WNK2: variants seen among roughly 807,000 people sequenced by gnomAD.
WNK2 encodes serine/threonine-protein kinase WNK2.
Under a neutral mutation model 192.1 loss-of-function variants are expected in WNK2, and 67 were observed. That is an observed-to-expected ratio of 0.35 (90% CI 0.29 to 0.43). The LOEUF (loss-of-function observed/expected upper bound fraction) is 0.43. Among genes scored for constraint, WNK2 ranks in the 20% least tolerant of loss-of-function variants. The pLI is 1.00. For synonymous variants in WNK2, 1,439 were observed against 1,393.9 expected, an observed-to-expected ratio of 1.03 and a Z score of -0.72; for missense variants, 2,698 against 3,089.7, an observed-to-expected ratio of 0.87 and a Z score of 3.01.
At chr9:93,231,406 T>C (rs1299517439) in intron 4 of WNK2, among the ~76,000 whole-genome samples, 2 of 152,332 alleles carry the variant, frequency 1.3e-5, no homozygotes, top group East Asian at 3.9e-4. Flanking sequence ...ATGGTCTTTG[T>C]GTTTCCCTCC....
chr9:93,206,291 TGGGTACAGGGAGTTGCCAAGGGTC>T (rs2131375820), intron 2 of WNK2, among the ~76,000 whole-genome samples: 1 of 152,104 alleles, frequency 6.6e-6, no homozygotes, highest in Admixed American at 6.5e-5. Context: ...CAGGCTGAGG[TGGGTACAGGGAGTTGCCAAGGGTC>T]GCCTGCAGTG....
In WNK2 at chr9:93,292,582, G is replaced by T. The variant is rs1369976830; in HGVS notation, c.5117G>T (p.Ser1706Ile). Residue 1706 changes from serine (S) to isoleucine (I), a missense_variant, in exon 23 of 30, where the codon AGT becomes ATT. This residue lies in a region of WNK2 where 1,098 missense variants were observed against 1,101.0 expected (regional missense o/e 1.00). Coordinates refer to ENST00000427277, the MANE Select transcript of WNK2 (RefSeq NM_006648.4). Reference sequence around the variant, plus strand: ...GAAAGCTCGGCAGAGCCCCCGCCGAGTGACATGGGCACAGTGGGGGGCCAG... The same window carrying T: ...GAAAGCTCGGCAGAGCCCCCGCCGATTGACATGGGCACAGTGGGGGGCCAG... ...AGESSAEPPP[S>I]DMGTVGGQAS... 6.3e-7 allele frequency: 1 copy of T among 1,575,464 alleles called. No individual in the cohort carries two copies. Among genetic ancestry groups the T allele is most frequent in the East Asian group, 2.3e-5 (1 of 44,152 alleles).
At position 93,288,878 on chromosome 9, in the gene WNK2, A is replaced by G. The variant is rs773350361; in HGVS notation, c.4124A>G (p.Asn1375Ser). 1.2e-6 allele frequency: 2 copies of G among 1,610,738 alleles called. No homozygotes were observed. Among genetic ancestry groups the G allele is most frequent in the Non-Finnish European group, 1.7e-6 (2 of 1,179,120 alleles). The change falls in exon 20 of 30, where the codon AAC (asparagine) becomes AGC (serine). Residue 1375 changes from asparagine (N) to serine (S), a missense_variant. Coordinates refer to ENST00000427277, the MANE Select transcript of WNK2 (RefSeq NM_006648.4). ...QQLLSQAGPS[N>S]PPGAPPAPLA... ...CTCCTGAGCCAGGCGGGCCCCAGCAACCCTCCTGGGGCACCCCCAGCCCCT... is the reference window on the plus strand; with the variant it reads ...CTCCTGAGCCAGGCGGGCCCCAGCAGCCCTCCTGGGGCACCCCCAGCCCCT...
At position 93,229,266 on chromosome 9, in the gene WNK2, G is replaced by A. The variant is rs934498900; in HGVS notation, c.682-430G>A. On this transcript the variant is annotated intron_variant, in intron 2 of 29. Coordinates refer to ENST00000427277, the MANE Select transcript of WNK2 (RefSeq NM_006648.4). This position sits in a 1 kb window ranked among gnomAD's most constrained non-coding sequence, Gnocchi z 4.9. The stretch of plus-strand genomic sequence containing the variant: ...GCTCTTATCTCAGTCACCTGTCCAC[G>A]TCTCCTCTGTTCTAATCCACTGGGC... 5.9e-5 allele frequency among the ~76,000 whole-genome samples: 9 copies of A among 152,204 alleles called. No individual in the cohort carries two copies. Among genetic ancestry groups the A allele is most frequent in the South Asian group, 4.1e-4 (2 of 4,824 alleles).
intron 2 of WNK2, among the ~76,000 whole-genome samples, chr9:93,193,405 G>A (rs1311132772): frequency 6.6e-6 from 1 of 152,272 alleles, no homozygotes; most frequent in African/African-American, 2.4e-5. Flanking sequence ...CTTTTCACCC[G>A]TCTTGCTCCC....
chr9:93,273,186 T>G (rs879052887), intron 19 of WNK2, among the ~76,000 whole-genome samples: 2 of 152,170 alleles, frequency 1.3e-5, no homozygotes, highest in African/African-American at 4.8e-5. Context: ...TGAGATGGAG[T>G]CTTGCTCTGT....
intron 8 of WNK2, among the ~76,000 whole-genome samples, chr9:93,251,336 C>T (rs1029621446): frequency 1.3e-5 from 2 of 151,226 alleles, no homozygotes; most frequent in African/African-American, 4.9e-5. Flanking sequence ...CCAGGCTGGT[C>T]TCAAACCCCT....
chr9:93,236,555 T>C (rs1324729834), intron 5 of WNK2, among the ~76,000 whole-genome samples: 1 of 152,244 alleles, frequency 6.6e-6, no homozygotes, highest in Non-Finnish European at 1.5e-5. Context: ...TACACCGTCT[T>C]ACTCCACTTC....
rs144024896 is a variant in WNK2, at chr9:93,287,365, A to C, written c.4034-1423A>C. On this transcript the variant is annotated intron_variant, in intron 19 of 29. Coordinates refer to ENST00000427277, the MANE Select transcript of WNK2 (RefSeq NM_006648.4). ...CCTGGCAGGACACGGGCCTGCACGC[A>C]CTGTGCCTCAGTGTTAGTCGTGGTC... 7.6e-4 allele frequency among the ~76,000 whole-genome samples: 116 copies of C among 152,284 alleles called. 2 individuals are homozygous for C. In the East Asian group the frequency reaches 0.017, roughly 23 times the overall value.
chr9:93,276,000 C>T (rs565983100), intron 19 of WNK2, among the ~76,000 whole-genome samples: 3 of 152,276 alleles, frequency 2.0e-5, no homozygotes, highest in Admixed American at 1.3e-4. Flanking sequence ...GATTGGAAGA[C>T]TCAACATAGT....
At chr9:93,192,311 C>T (rs1185804318) in intron 2 of WNK2, among the ~76,000 whole-genome samples, 4 of 146,884 alleles carry the variant, frequency 2.7e-5, no homozygotes, top group Non-Finnish European at 6.0e-5. Flanking sequence ...GACTCCGTCT[C>T]AAGAAAAAAA....
Position 93,263,922 on chromosome 9 carries a change from C to T in WNK2, c.3585C>T (p.Cys1195=), listed in dbSNP as rs1192390624. ...SRPRLTILNV[C]NTGDKMVECQ... ...GCTGATGCTGCCCCTTCCAGGTGTG[C>T]AACACTGGGGACAAGATGGTGGAGT... Residue 1195 remains cysteine (C), a synonymous_variant, in exon 16 of 30, where the codon TGC becomes TGT. Coordinates refer to ENST00000427277, the MANE Select transcript of WNK2 (RefSeq NM_006648.4). 6.2e-7 allele frequency: 1 copy of T among 1,612,132 alleles called. No individual in the cohort carries two copies. The highest frequency in any genetic ancestry group is 8.5e-7 in the Non-Finnish European group (1 of 1,179,384).
intron 5 of WNK2, 100 bp downstream of exon 5, chr9:93,235,065 G>T: frequency 7.0e-7 from 1 of 1,433,742 alleles, no homozygotes; most frequent in Non-Finnish European, 9.5e-7. Flanking sequence ...CATCCTGGCA[G>T]CTGTGTAAGG....
rs778459252 is a variant in WNK2 at position 93,317,570 on chromosome 9, C to A, written c.6567C>A (p.Pro2189=). Residue 2189 remains proline (P), a synonymous_variant, in exon 29 of 30, where the codon CCC becomes CCA. Coordinates refer to ENST00000427277, the MANE Select transcript of WNK2 (RefSeq NM_006648.4). ...GGATGCCACGTCTGCCCCCAGCGCC[C>A]GGCCCTCTGTCCACCACGGTCATTC... ...GVGMPRLPPA[P]GPLSTTVIPG... The A allele has an allele frequency of 6.2e-7, 1 of 1,613,392 alleles. No homozygotes were observed. Among genetic ancestry groups the A allele is most frequent in the Non-Finnish European group, 8.5e-7 (1 of 1,179,884 alleles).
Position 93,238,310 on chromosome 9 carries a change from CAAG to C in WNK2, c.1312_1314del (p.Lys438del), listed in dbSNP as rs747552164. On this transcript the variant is annotated inframe_deletion, in exon 6 of 30. Transcript: ENST00000427277. Reference sequence around the variant, plus strand: ...TTATTGGGGAGTGTATCTGCAAAAACAAGGAGGAAAGGTGAGTTCCCCTGAAGG... The same window carrying C: ...TTATTGGGGAGTGTATCTGCAAAAACGAGGAAAGGTGAGTTCCCCTGAAGG... 6.2e-7 allele frequency: 1 copy of C among 1,613,982 alleles called. No homozygotes were observed. Among genetic ancestry groups the C allele is most frequent in the Non-Finnish European group, 8.5e-7 (1 of 1,179,850 alleles).
At chr9:93,306,689 A>G in intron 26 of WNK2, 88 bp from the exon 27 acceptor site, 1 of 1,540,714 alleles carries the variant, frequency 6.5e-7, no homozygotes, top group Non-Finnish European at 9.0e-7. Flanking sequence ...CTGCACACTG[A>G]CGACTTTTGC....
intron 26 of WNK2, among the ~76,000 whole-genome samples, chr9:93,304,864 C>T (rs1852223801): frequency 6.6e-6 from 1 of 152,176 alleles, no homozygotes; most frequent in African/African-American, 2.4e-5. Flanking sequence ...GTCTGGAGGT[C>T]TAGGAGCCGT....
rs1481226149 is a variant in WNK2, at chr9:93,256,908, A to G, written c.2191-40A>G. The G allele has an allele frequency of 3.3e-6, 5 of 1,514,712 alleles. No homozygotes were observed. In the African/African-American group the frequency reaches 5.6e-5, roughly 17 times the overall value. 93.8% of individuals were successfully genotyped at this position (1,514,712 alleles called of 1,614,324 possible). ...ACCAGTGGGGTGCGCTTGTCTGGGC[A>G]GATTGGTGGTCTAAGGGGAGCTACC... On this transcript the variant is annotated intron_variant, in intron 10 of 29. Coordinates refer to ENST00000427277, the MANE Select transcript of WNK2 (RefSeq NM_006648.4).
At chr9:93,290,121 G>T in intron 21 of WNK2, 74 bp downstream of exon 21, 3 of 1,332,530 alleles carry the variant, frequency 2.3e-6, no homozygotes, top group East Asian at 2.5e-5. Flanking sequence ...TTCTGCATCC[G>T]CACCCTCGTC....
Sources: allele counts gnomAD v4.1 joint callset (sites outside exome capture counted in the v4.1 genomes callset), GRCh38; gene constraint gnomAD v4.1.1; regional missense constraint gnomAD v4.1.1; non-coding constraint Gnocchi (gnomAD v3.1); transcripts MANE v1.5; gene names NCBI Gene and HGNC (gene_info 2026-07-23, HGNC 2026-07-21).